ROBO1: variants seen among roughly 807,000 people sequenced by gnomAD.
ROBO1 encodes roundabout homolog 1.
ROBO1 carries 149 observed loss-of-function variants against 195.9 expected under a neutral mutation model. The ratio of observed to expected loss-of-function variants is 0.76; its 90% confidence interval spans 0.67 to 0.87. The LOEUF is 0.87. Ranked by LOEUF, ROBO1 falls within the 40% of genes least tolerant of loss-of-function variation. The pLI, the probability that ROBO1 is intolerant of heterozygous loss-of-function variation, is 0.00. For synonymous variants in ROBO1, 816 were observed against 733.2 expected (o/e 1.11, Z -1.82); for missense variants, 1,933 against 2,068.3 (o/e 0.93, Z 1.27).
At chr3:79,262,622 T>A (rs2082961698) in intron 2 of ROBO1, among the ~76,000 whole-genome samples, 7 of 151,952 alleles carry the variant, frequency 4.6e-5, no homozygotes, top group Admixed American at 4.6e-4. Context: ...AAAAAAACGT[T>A]TTAAATGGAA....
At chr3:79,677,157 GT>G (rs1946806876) in intron 1 of ROBO1, among the ~76,000 whole-genome samples, 1 of 151,900 alleles carries the variant, frequency 6.6e-6, no homozygotes, top group African/African-American at 2.4e-5. Context: ...GCAATATACT[GT>G]GTTGAAAGTG....
chr3:79,523,328 C>A (rs1232888362), intron 2 of ROBO1, among the ~76,000 whole-genome samples: 1 of 151,412 alleles, frequency 6.6e-6, no homozygotes, highest in Non-Finnish European at 1.5e-5. Context: ...ATTCCACATG[C>A]ATATATACTT....
chr3:79,540,557 C>T (rs1461854242), intron 2 of ROBO1, among the ~76,000 whole-genome samples: 1 of 152,108 alleles, frequency 6.6e-6, no homozygotes, highest in African/African-American at 2.4e-5. Context: ...CGATAATAAT[C>T]TACTCTGTTT....
At chr3:78,710,056 C>T (rs1452575000) in intron 8 of ROBO1, among the ~76,000 whole-genome samples, 1 of 152,014 alleles carries the variant, frequency 6.6e-6, no homozygotes, top group East Asian at 1.9e-4. Context: ...CTATAATAGC[C>T]CGTAAGGATT....
intron 2 of ROBO1, among the ~76,000 whole-genome samples, chr3:79,137,438 T>G (rs76332473): frequency 6.8e-6 from 1 of 147,916 alleles, no homozygotes; most frequent in Non-Finnish European, 1.5e-5. Context: ...CTGTTTTTTT[T>G]CTCATTTTCT....
chr3:79,641,572 AT>A (rs1437355421), intron 1 of ROBO1, among the ~76,000 whole-genome samples: 6 of 151,840 alleles, frequency 4.0e-5, no homozygotes, highest in Admixed American at 2.0e-4. Context: ...AATAAAAAAA[AT>A]AAAATAAGAA....
intron 4 of ROBO1, among the ~76,000 whole-genome samples, chr3:78,871,392 T>A (rs1217525526): frequency 2.7e-4 from 41 of 152,198 alleles, no homozygotes; most frequent in Admixed American, 2.6e-3. Context: ...TAGGTTTTCA[T>A]CCTTTCTATT....
rs1037623926 is a variant in ROBO1 at position 78,598,615 on chromosome 3, C to G, written c.*298G>C. On this transcript the variant is annotated 3_prime_UTR_variant, in exon 31 of 31. Transcript: ENST00000464233. The stretch of plus-strand genomic sequence containing the variant: ...AAATGCAAAAGAACAGTTTTGTTCC[C>G]TCTTGCTGGCTGATGACTGAAGCAA... 6 of 268,816 alleles carry G rather than the reference C, an allele frequency of 2.2e-5. No individual in the cohort carries two copies. The highest frequency in any genetic ancestry group is 2.8e-5 in the Non-Finnish European group (4 of 143,740). The allele number at this position is 268,816 out of a possible 1,614,324, so 16.7% of individuals were successfully genotyped here.
At chr3:79,669,438 C>A (rs1054767400) in intron 1 of ROBO1, among the ~76,000 whole-genome samples, 19 of 151,814 alleles carry the variant, frequency 1.3e-4, no homozygotes, top group African/African-American at 4.1e-4. Flanking sequence ...AATCGTAATG[C>A]AACACATTAT....
chr3:79,163,890 T>C (rs1036393660), intron 2 of ROBO1, among the ~76,000 whole-genome samples: 1 of 152,176 alleles, frequency 6.6e-6, no homozygotes, highest in African/African-American at 2.4e-5. Flanking sequence ...TTCTAAATCT[T>C]AGGAATATTG....
Position 78,617,691 on chromosome 3 carries a change from G to T in ROBO1, c.4226C>A (p.Ala1409Glu), listed in dbSNP as rs760285500. Residue 1409 changes from alanine (A) to glutamate (E), a missense_variant, in exon 27 of 31, where the codon GCA (alanine) becomes GAA (glutamate). This residue lies in a region of ROBO1 where 1,737 missense variants were observed against 1,882.5 expected (regional missense o/e 0.92). Transcript: ENST00000464233. ...TTTCAGACCAGCATACTCTGCCGCT[G>T]CTGCGACTGCCTGGGCAAAGTCAGC... ...TDADFAQAVA[A>E]AAEYAGLKVA... is the part of the protein sequence containing the mutation. The T allele has an allele frequency of 6.2e-7, 1 of 1,613,948 alleles. No homozygotes were observed. Among genetic ancestry groups the T allele is most frequent in the Non-Finnish European group, 8.5e-7 (1 of 1,179,854 alleles).
chr3:79,139,687 G>C (rs1224677755), intron 2 of ROBO1, among the ~76,000 whole-genome samples: 2 of 152,096 alleles, frequency 1.3e-5, no homozygotes, highest in African/African-American at 4.8e-5. Flanking sequence ...TTGCTGCCTT[G>C]AACTTTATCT....
chr3:79,721,120 G>A (rs761933227), intron 1 of ROBO1, among the ~76,000 whole-genome samples: 11 of 152,132 alleles, frequency 7.2e-5, no homozygotes, highest in Non-Finnish European at 1.2e-4. Context: ...ATGAGAACTT[G>A]TGAAAATAAA....
intron 3 of ROBO1, among the ~76,000 whole-genome samples, chr3:79,109,431 G>A (rs2079844290): frequency 6.6e-6 from 1 of 151,866 alleles, no homozygotes; most frequent in East Asian, 1.9e-4. Context: ...CCACATAAAT[G>A]AAGCATTATT....
At chr3:79,636,051 G>T (rs1157176298) in intron 1 of ROBO1, among the ~76,000 whole-genome samples, 1 of 151,950 alleles carries the variant, frequency 6.6e-6, no homozygotes, top group Admixed American at 6.6e-5. Context: ...TATTTATGTG[G>T]TTGAAATCTT....
rs570742448 is a variant in ROBO1, at chr3:79,078,466, T to C, written c.172+46990A>G. On this transcript the variant is annotated intron_variant, in intron 3 of 30. Transcript: ENST00000464233. ...ACTTCAGTGGTTGAGTATCAAAATATTCTTATTTCAGATGATTAAGAACAA... is the reference window on the plus strand; with the variant it reads ...ACTTCAGTGGTTGAGTATCAAAATACTCTTATTTCAGATGATTAAGAACAA... Among the ~76,000 whole-genome samples, 3 of 151,940 alleles carry C rather than the reference T, an allele frequency of 2.0e-5. No homozygotes were observed. The South Asian group carries it at 6.2e-4, about 31-fold the overall frequency.
In ROBO1 at chr3:78,779,074, C is replaced by T. The variant is rs547635719; in HGVS notation, c.500-32174G>A. Among the ~76,000 whole-genome samples the T allele has an allele frequency of 2.2e-4, 34 of 152,092 alleles. No homozygotes were observed. The South Asian group carries it at 5.2e-3, about 23-fold the overall frequency. On this transcript the variant is annotated intron_variant, in intron 4 of 30. Coordinates refer to ENST00000464233, the MANE Select transcript of ROBO1 (RefSeq NM_002941.4). ...CCATATGCAGAAAACTGAAACTGGACCCCTTCCTTACACCTTATACAAAAA... is the reference window on the plus strand; with the variant it reads ...CCATATGCAGAAAACTGAAACTGGATCCCTTCCTTACACCTTATACAAAAA...
At chr3:78,672,339 G>A (rs1307900944) in intron 10 of ROBO1, among the ~76,000 whole-genome samples, 2 of 152,092 alleles carry the variant, frequency 1.3e-5, no homozygotes, top group Admixed American at 6.6e-5. Context: ...TGCACTTTGG[G>A]TGGCCAAGTA....
intron 2 of ROBO1, among the ~76,000 whole-genome samples, chr3:79,500,343 T>C (rs1940002409): frequency 6.6e-6 from 1 of 152,134 alleles, no homozygotes; most frequent in African/African-American, 2.4e-5. Flanking sequence ...TTGGCCAGGC[T>C]GGTCTCGAAC....
Sources: allele counts gnomAD v4.1 joint callset (sites outside exome capture counted in the v4.1 genomes callset), GRCh38; gene constraint gnomAD v4.1.1; regional missense constraint gnomAD v4.1.1; transcripts MANE v1.5; gene names NCBI Gene and HGNC (gene_info 2026-07-23, HGNC 2026-07-21).